Variants in PSD3 observed in about 807,000 individuals in gnomAD.
The protein encoded by PSD3 is pleckstrin and Sec7 domain containing 3.
Under a neutral mutation model 105.5 loss-of-function variants are expected in PSD3, and 49 were observed. The ratio of observed to expected loss-of-function variants is 0.46; its 90% CI spans 0.37 to 0.59. The LOEUF (loss-of-function observed/expected upper bound fraction) is 0.59. PSD3 is among the 20% of genes least tolerant of loss of function. The pLI is 0.00. For missense variants in PSD3, 1,561 were observed against 1,263.8 expected (o/e 1.24, Z -3.57); for synonymous variants, 557 against 457.8 (o/e 1.22, Z -2.77).
At chr8:18,694,611 GA>G (rs61475829) in intron 9 of PSD3, among the ~76,000 whole-genome samples, 120,558 of 140,974 alleles carry the variant, frequency 0.86, 52,138 homozygotes, top group Non-Finnish European at 0.95. Flanking sequence ...CTGCATCTCC[GA>G]AAAAAAAAAA....
chr8:18,703,115 C>A (rs935462424), intron 9 of PSD3, among the ~76,000 whole-genome samples: 29 of 152,160 alleles, frequency 1.9e-4, no homozygotes, highest in African/African-American at 5.8e-4. Flanking sequence ...AAGGAAATGT[C>A]TTAACTTTTT....
At chr8:18,714,099 C>T (rs542351931) in intron 9 of PSD3, among the ~76,000 whole-genome samples, 1 of 152,142 alleles carries the variant, frequency 6.6e-6, no homozygotes, top group East Asian at 1.9e-4. Context: ...TGAAACTGTA[C>T]CCCTTCCTTA....
chr8:18,577,903 T>C (rs1480366483), intron 12 of PSD3, among the ~76,000 whole-genome samples: 3 of 152,214 alleles, frequency 2.0e-5, no homozygotes, highest in Admixed American at 2.0e-4. Flanking sequence ...TCTCCTCTCA[T>C]ACCTTTGCTA....
chr8:18,697,096 GA>G (rs1392296018), intron 9 of PSD3, among the ~76,000 whole-genome samples: 4 of 152,044 alleles, frequency 2.6e-5, no homozygotes, highest in African/African-American at 9.7e-5. Flanking sequence ...AAATTTAAAA[GA>G]AGTTATTTCA....
intron 1 of PSD3, among the ~76,000 whole-genome samples, chr8:18,997,716 C>A (rs1260532033): frequency 6.6e-6 from 1 of 151,974 alleles, no homozygotes; most frequent in African/African-American, 2.4e-5. Context: ...TCCTGGAAGG[C>A]AGGAAGTATG....
chr8:18,831,767 A>G (rs1452041533), intron 4 of PSD3, among the ~76,000 whole-genome samples: 1 of 152,132 alleles, frequency 6.6e-6, no homozygotes, highest in Non-Finnish European at 1.5e-5. Context: ...ACACGACATC[A>G]AACAGGTTCC....
At chr8:18,996,423 T>C (rs1826082449) in intron 1 of PSD3, among the ~76,000 whole-genome samples, 1 of 151,900 alleles carries the variant, frequency 6.6e-6, no homozygotes, top group Non-Finnish European at 1.5e-5. Context: ...AAAAGACATT[T>C]ATTTAACGGC....
chr8:18,790,554 G>T (rs1272924991), intron 8 of PSD3, among the ~76,000 whole-genome samples: 3 of 151,810 alleles, frequency 2.0e-5, no homozygotes, highest in Non-Finnish European at 4.4e-5. Flanking sequence ...TGCCCACCTT[G>T]GCCTCCCAAA....
chr8:18,785,209 G>C (rs983586563), intron 8 of PSD3, among the ~76,000 whole-genome samples: 4 of 152,094 alleles, frequency 2.6e-5, no homozygotes, highest in African/African-American at 9.7e-5. Context: ...TATATTGATT[G>C]GAAGTGTTTT....
At chr8:18,541,900 G>A (rs565921202) in intron 15 of PSD3, among the ~76,000 whole-genome samples, 8 of 151,984 alleles carry the variant, frequency 5.3e-5, no homozygotes, top group African/African-American at 1.7e-4. Context: ...ACAGGTATGC[G>A]CGCCACCACG....
intron 14 of PSD3, 62 bp from the exon 15 acceptor site, chr8:18,556,414 G>T: frequency 6.6e-7 from 1 of 1,523,966 alleles, no homozygotes. Flanking sequence ...ACAAAGCACA[G>T]CATACTTTAA....
chr8:18,695,085 T>C (rs1333932927), intron 9 of PSD3, among the ~76,000 whole-genome samples: 2 of 152,216 alleles, frequency 1.3e-5, no homozygotes, highest in Non-Finnish European at 1.5e-5. Flanking sequence ...CTTCCCCTTC[T>C]ACTAGGGATC....
chr8:18,625,437 A>G (rs901793273), intron 11 of PSD3, among the ~76,000 whole-genome samples: 5 of 152,114 alleles, frequency 3.3e-5, no homozygotes, highest in Non-Finnish European at 7.4e-5. Context: ...ATAAGGCTAC[A>G]GGGAGCTGTG....
At chr8:18,544,720 G>A (rs1276330124) in intron 15 of PSD3, among the ~76,000 whole-genome samples, 1 of 152,152 alleles carries the variant, frequency 6.6e-6, no homozygotes, top group African/African-American at 2.4e-5. Context: ...CACAGTCCAG[G>A]AGGCCTGGGT....
chr8:18,576,288 GT>G (rs1361383554), intron 12 of PSD3, among the ~76,000 whole-genome samples: 17 of 152,202 alleles, frequency 1.1e-4, no homozygotes, highest in East Asian at 5.8e-4. Context: ...GTAAATACCA[GT>G]GGTAATATAA....
exon 1 of PSD3, chr8:19,084,253 G>A (rs1325260844): frequency 8.8e-6 from 4 of 455,806 alleles, no homozygotes; most frequent in South Asian, 4.7e-5. Context: ...TTGCTGGTGT[G>A]CACAGCTGGA....
chr8:19,050,421 G>C (rs144740765), intron 1 of PSD3, among the ~76,000 whole-genome samples: 1,725 of 152,154 alleles, frequency 0.011, 37 homozygotes, highest in African/African-American at 0.039. Flanking sequence ...CAATAACAAA[G>C]ACTTGGAACC....
chr8:18,979,538 A>G (rs921299310), intron 1 of PSD3: 1 of 152,170 alleles, frequency 6.6e-6, no homozygotes, highest in Non-Finnish European at 1.5e-5. Flanking sequence ...TTTACTACTA[A>G]TATCTCCTTA....
chr8:18,575,215 A>C lies in PSD3; in HGVS notation c.2552T>G (p.Leu851Trp). 1.2e-6 allele frequency: 2 copies of C among 1,614,012 alleles called. No individual in the cohort carries two copies. Among genetic ancestry groups the C allele is most frequent in the Non-Finnish European group, 1.7e-6 (2 of 1,179,914 alleles). Residue 851 changes from leucine (L) to tryptophan (W), a missense_variant, in exon 13 of 16, where the codon TTG becomes TGG. Physicochemically the swap from Leu to Trp is moderately conservative, Grantham distance 61 (BLOSUM62 -2). Transcript: ENST00000327040. ...CTCATAGTCCGTGGCCTTGGATGCCAATGCGTGGTGCACACTCACAGCGTT... is the reference window on the plus strand; with the variant it reads ...CTCATAGTCCGTGGCCTTGGATGCCCATGCGTGGTGCACACTCACAGCGTT... ...LKNAVSVHHA[L>W]ASKATDYEKK... is the part of the protein sequence containing the mutation.
Sources: gnomAD v4.1 joint callset for allele counts (sites outside exome capture counted in the v4.1 genomes callset) on GRCh38, gnomAD v4.1.1 for gene constraint, MANE v1.5 for transcripts, NCBI Gene and HGNC (gene_info 2026-07-23, HGNC 2026-07-21) for gene names.